ATP9A: variants seen among roughly 807,000 people sequenced by gnomAD.
The protein encoded by ATP9A is probable phospholipid-transporting ATPase IIA.
ATP9A carries 52 observed loss-of-function variants against 144.1 expected under a neutral mutation model. The ratio of observed to expected loss-of-function variants is 0.36; its 90% CI spans 0.29 to 0.45. The LOEUF (loss-of-function observed/expected upper bound fraction) is 0.45. ATP9A is among the 20% of genes least tolerant of loss of function. The pLI is 1.00. For missense variants in ATP9A, 947 were observed against 1,392.7 expected, an observed-to-expected ratio of 0.68 and a Z score of 5.09; for synonymous variants, 582 against 557.4, an observed-to-expected ratio of 1.04 and a Z score of -0.62.
chr20:51,690,854 C>G (rs1187384349), intron 7 of ATP9A, 35 bp from the exon 8 acceptor site: 1 of 1,572,868 alleles, frequency 6.4e-7, no homozygotes, highest in Non-Finnish European at 8.8e-7. Flanking sequence ...GAGTCAAAGT[C>G]AGTTCACAAT....
Position 51,729,929 on chromosome 20 carries a change from T to G in ATP9A, c.118A>C (p.Thr40Pro), listed in dbSNP as rs770396570. ...CCGGGEARPR[T>P]VWLGHPEKRD... The stretch of plus-strand genomic sequence containing the variant: ...TTCTCGGGGTGCCCCAGCCAGACAG[T>G]GCGGGGCCTGGCCTCCCCTCCACCG... The change falls in exon 2 of 28, where the codon ACT becomes CCT. Residue 40 changes from threonine to proline, a missense_variant. Transcript: ENST00000338821. 5 of 1,591,936 alleles carry G rather than the reference T, an allele frequency of 3.1e-6. No homozygotes were observed. The Admixed American group carries it at 7.5e-5, about 24-fold the overall frequency.
chr20:51,751,336 T>G (rs2077831272), intron 1 of ATP9A, among the ~76,000 whole-genome samples: 1 of 146,116 alleles, frequency 6.8e-6, no homozygotes. Flanking sequence ...CATGGCTCAC[T>G]GCAGCCTCAA....
chr20:51,688,019 C>T (rs1456982951), intron 9 of ATP9A, among the ~76,000 whole-genome samples: 1 of 152,168 alleles, frequency 6.6e-6, no homozygotes, highest in Non-Finnish European at 1.5e-5. Flanking sequence ...AGCAAAATGC[C>T]TAGGTTCAAG....
intron 14 of ATP9A, 37 bp downstream of exon 14, chr20:51,656,901 G>C (rs1444410660): frequency 1.3e-6 from 2 of 1,583,042 alleles, no homozygotes; most frequent in Non-Finnish European, 1.7e-6. Flanking sequence ...AAACAAGCAG[G>C]GCCTCCCCAT....
intron 15 of ATP9A, among the ~76,000 whole-genome samples, chr20:51,635,452 C>A (rs6021336): frequency 0.02 from 3,018 of 152,168 alleles, 97 homozygotes; most frequent in African/African-American, 0.069. Context: ...AAAACAGAGC[C>A]CCCAGTTAGG....
chr20:51,651,787 G>A (rs564818877), intron 14 of ATP9A, among the ~76,000 whole-genome samples: 1 of 152,160 alleles, frequency 6.6e-6, no homozygotes, highest in East Asian at 1.9e-4. Context: ...AAATTAACCA[G>A]GCATGGTGGT....
intron 11 of ATP9A, among the ~76,000 whole-genome samples, chr20:51,672,736 A>G (rs992704085): frequency 1.3e-5 from 2 of 152,228 alleles, no homozygotes; most frequent in Non-Finnish European, 2.9e-5. Context: ...ATGTAATTTA[A>G]TATTTACTAA....
chr20:51,714,945 T>C (rs2077655786), intron 3 of ATP9A, among the ~76,000 whole-genome samples: 1 of 152,236 alleles, frequency 6.6e-6, no homozygotes. Context: ...ACTTCCAATC[T>C]AGATTTTTTT....
At chr20:51,749,715 A>G (rs2077823493) in intron 1 of ATP9A, among the ~76,000 whole-genome samples, 1 of 152,216 alleles carries the variant, frequency 6.6e-6, no homozygotes, top group African/African-American at 2.4e-5. Flanking sequence ...AGAACATGGT[A>G]AGACTGGCTG....
At chr20:51,706,188 C>A (rs182980361) in intron 4 of ATP9A, among the ~76,000 whole-genome samples, 1 of 152,308 alleles carries the variant, frequency 6.6e-6, no homozygotes, top group South Asian at 2.1e-4. Flanking sequence ...TAAGGCTGAA[C>A]GCTGTAGCAG....
chr20:51,722,671 A>G (rs145217822), intron 3 of ATP9A, among the ~76,000 whole-genome samples: 70 of 152,354 alleles, frequency 4.6e-4, no homozygotes, highest in Non-Finnish European at 2.9e-4. Flanking sequence ...AAGAATGGCC[A>G]TAATCTAAAA....
At chr20:51,743,145 T>C (rs6021412) in intron 1 of ATP9A, among the ~76,000 whole-genome samples, 134,838 of 152,142 alleles carry the variant, frequency 0.89, 59,847 homozygotes, top group African/African-American at 0.92. Context: ...ATACATGCAG[T>C]TCTCTTCCTG....
At chr20:51,673,170 T>A (rs890674840) in intron 11 of ATP9A, among the ~76,000 whole-genome samples, 1 of 152,024 alleles carries the variant, frequency 6.6e-6, no homozygotes, top group Non-Finnish European at 1.5e-5. Context: ...GGTCAGGAGT[T>A]CCAGACCAGC....
At chr20:51,667,699 CGGCAGACA>C (rs2077438555) in intron 13 of ATP9A, among the ~76,000 whole-genome samples, 1 of 151,864 alleles carries the variant, frequency 6.6e-6, no homozygotes, top group African/African-American at 2.4e-5. Context: ...CAGGGGGTCA[CGGCAGACA>C]GGCGAGGAAG....
chr20:51,705,857 G>A (rs554149060), intron 4 of ATP9A, among the ~76,000 whole-genome samples: 6 of 152,218 alleles, frequency 3.9e-5, no homozygotes, highest in Middle Eastern at 6.8e-3. Flanking sequence ...GTTTTGCTGG[G>A]TCTGCTACAT....
At chr20:51,740,498 T>C (rs2077780204) in intron 1 of ATP9A, among the ~76,000 whole-genome samples, 1 of 280 alleles carries the variant, frequency 3.6e-3, no homozygotes. Flanking sequence ...TTACCTGAGG[T>C]CAGGAGTTCA....
At chr20:51,716,385 C>T (rs2077661858) in intron 3 of ATP9A, among the ~76,000 whole-genome samples, 1 of 151,628 alleles carries the variant, frequency 6.6e-6, no homozygotes, top group South Asian at 2.1e-4. Context: ...TCGCTTGAGC[C>T]CAGGAGTTCG....
chr20:51,709,702 G>A (rs1263027913), intron 4 of ATP9A, among the ~76,000 whole-genome samples: 4 of 152,172 alleles, frequency 2.6e-5, no homozygotes, highest in Non-Finnish European at 4.4e-5. Context: ...ACTCCAACCC[G>A]GGTGACACAG....
chr20:51,673,721 T>C (rs1016869347), intron 11 of ATP9A, among the ~76,000 whole-genome samples: 2 of 152,102 alleles, frequency 1.3e-5, no homozygotes, highest in Non-Finnish European at 1.5e-5. Flanking sequence ...TCCTGACTGA[T>C]TGCTCTTGGT....
Sources: gnomAD v4.1 joint callset for allele counts (sites outside exome capture counted in the v4.1 genomes callset) on GRCh38, gnomAD v4.1.1 for gene constraint, MANE v1.5 for transcripts, NCBI Gene and HGNC (gene_info 2026-07-23, HGNC 2026-07-21) for gene names.